NLRP5: variants seen among roughly 807,000 people sequenced by gnomAD.
NLRP5 encodes NLR family pyrin domain containing 5.
NLRP5 carries 93 observed loss-of-function variants against 113.1 expected under a neutral mutation model. The observed-to-expected ratio is 0.82, with a 90% CI of 0.70 to 0.98. The LOEUF (loss-of-function observed/expected upper bound fraction) is 0.98. Among genes scored for constraint, NLRP5 ranks in the 50% least tolerant of loss-of-function variants. NLRP5 has a pLI of 0.00. For missense variants in NLRP5, 1,808 were observed against 1,514.3 expected (o/e 1.19, Z -3.22); for synonymous variants, 751 against 600.7 (o/e 1.25, Z -3.66).
intron 11 of NLRP5, among the ~76,000 whole-genome samples, chr19:56,045,169 C>CT (rs1383069369): frequency 4.7e-4 from 71 of 152,290 alleles, no homozygotes; most frequent in African/African-American, 1.7e-3. Flanking sequence ...GACAGTTTGA[C>CT]TTTCCTGACT....
chr19:56,042,040 A>G (rs1261092100), intron 11 of NLRP5, among the ~76,000 whole-genome samples: 1 of 152,184 alleles, frequency 6.6e-6, no homozygotes, highest in Non-Finnish European at 1.5e-5. Context: ...CATTGTTGAC[A>G]GTGGAGAGCT....
At chr19:56,040,303 C>T (rs977995311) in intron 10 of NLRP5, among the ~76,000 whole-genome samples, 4 of 152,220 alleles carry the variant, frequency 2.6e-5, no homozygotes, top group African/African-American at 9.6e-5. Flanking sequence ...CGCCTGTAAT[C>T]CCAACACTTT....
At chr19:56,029,130 G>C (rs942981085) in intron 7 of NLRP5, among the ~76,000 whole-genome samples, 3 of 152,176 alleles carry the variant, frequency 2.0e-5, no homozygotes, top group Admixed American at 1.3e-4. Flanking sequence ...CTGTCCAGTA[G>C]AGGGTTCTGT....
intron 11 of NLRP5, among the ~76,000 whole-genome samples, chr19:56,043,640 A>T (rs1321713979): frequency 5.3e-5 from 7 of 133,310 alleles, no homozygotes; most frequent in African/African-American, 2.0e-4. Context: ...ATCTCCGGTC[A>T]CTGCAAGCTC....
chr19:55,992,033 C>T, the NLRP5 span, among the ~76,000 whole-genome samples: 9,192 of 152,164 alleles, frequency 0.06, 308 homozygotes, highest in Middle Eastern at 0.095. Flanking sequence ...ACCCTCCACC[C>T]TCAGGTAGAC....
chr19:56,027,289 C>A lies in NLRP5; in HGVS notation c.1056C>A (p.Ser352=). 6.2e-7 allele frequency: 1 copy of A among 1,611,928 alleles called. No individual in the cohort carries two copies. The highest frequency in any genetic ancestry group is 8.5e-7 in the Non-Finnish European group (1 of 1,179,868). The change falls in exon 7 of 15, where the codon TCC becomes TCA. Residue 352 remains serine (S), a synonymous_variant. Coordinates refer to ENST00000390649, the MANE Select transcript of NLRP5 (RefSeq NM_153447.4). ...AGGCTCCGGTGACGGAGATCATGTCCCGACCAGAAAGGCTGTTGTTCATCA... is the reference window on the plus strand; with the variant it reads ...AGGCTCCGGTGACGGAGATCATGTCACGACCAGAAAGGCTGTTGTTCATCA...
upstream of NLRP5, among the ~76,000 whole-genome samples, chr19:55,995,700 ATTC>A (rs542959534): frequency 1.4e-3 from 214 of 152,288 alleles, no homozygotes; most frequent in African/African-American, 4.4e-3. Context: ...TTTTAACAAC[ATTC>A]TTCTAATCAG....
intron 3 of NLRP5, 128 bp downstream of exon 3, chr19:56,008,981 T>C (rs1391129881): frequency 1.0e-5 from 8 of 784,604 alleles, no homozygotes; most frequent in South Asian, 3.1e-5. Context: ...TACCCTACAT[T>C]AGCTGACCGG....
intron 6 of NLRP5, among the ~76,000 whole-genome samples, chr19:56,026,243 C>T (rs1431856423): frequency 6.6e-6 from 1 of 151,978 alleles, no homozygotes; most frequent in African/African-American, 2.4e-5. Context: ...TTCAGATTGG[C>T]TTCAGCTGGG....
At chr19:56,030,714 C>CTTTTTTTTTTTTTCTTTTTTTTT (rs1983068545) in intron 7 of NLRP5, among the ~76,000 whole-genome samples, 1 of 71,350 alleles carries the variant, frequency 1.4e-5, no homozygotes, top group Non-Finnish European at 2.3e-5. Flanking sequence ...CTTTCTTCTT[C>CTTTTTTTTTTTTTCTTTTTTTTT]TTTTTTTTTT....
At chr19:56,008,415 C>A (rs935938346) in intron 2 of NLRP5, among the ~76,000 whole-genome samples, 1 of 151,912 alleles carries the variant, frequency 6.6e-6, no homozygotes, top group Non-Finnish European at 1.5e-5. Context: ...TTGAAGGTAC[C>A]TGTATTTGGG....
At chr19:56,034,001 C>A (rs2163827) in intron 9 of NLRP5, among the ~76,000 whole-genome samples, 6,030 of 152,326 alleles carry the variant, frequency 0.04, 375 homozygotes, top group African/African-American at 0.14. Flanking sequence ...AACTCCTGGG[C>A]TCAGGTGGTC....
intron 3 of NLRP5, among the ~76,000 whole-genome samples, chr19:56,014,469 G>A (rs80275869): frequency 0.045 from 5,330 of 117,788 alleles, 131 homozygotes; most frequent in Non-Finnish European, 0.065. Context: ...ACAGAGAAAC[G>A]CTCCATCTCA....
chr19:56,026,527 C>CA (rs375845864), intron 6 of NLRP5, among the ~76,000 whole-genome samples: 14,852 of 40,138 alleles, frequency 0.37, 3,591 homozygotes, highest in Non-Finnish European at 0.43. Context: ...GACTCCATCT[C>CA]AAAAAAAAAA....
the NLRP5 span, among the ~76,000 whole-genome samples, chr19:55,990,919 G>C: frequency 6.6e-6 from 1 of 152,160 alleles, no homozygotes; most frequent in East Asian, 1.9e-4. Flanking sequence ...AGGAGACGGA[G>C]ATTGCAGTGA....
chr19:56,035,675 C>T (rs180955973), intron 9 of NLRP5, among the ~76,000 whole-genome samples: 42 of 152,330 alleles, frequency 2.8e-4, no homozygotes, highest in African/African-American at 9.4e-4. Context: ...TCATAACTCA[C>T]AGGGGCAGGA....
intron 4 of NLRP5, among the ~76,000 whole-genome samples, chr19:56,016,969 C>T (rs978024614): frequency 1.3e-5 from 2 of 152,130 alleles, no homozygotes; most frequent in Admixed American, 1.3e-4. Context: ...CCACCATGCC[C>T]AGCTAATTTT....
Position 56,020,428 on chromosome 19 carries a change from C to A in NLRP5, c.676C>A (p.Gln226Lys). The change falls in exon 6 of 15, where the codon CAA becomes AAA. Residue 226 changes from glutamine to lysine, a missense_variant. Transcript: ENST00000390649. ...TGCCACAGCAGCAGAGACAGAAGAA[C>A]AAGGTGAGGAAAATAGATGTATTCC... is the stretch of plus-strand genomic sequence containing the variant. The A allele has an allele frequency of 6.2e-7, 1 of 1,613,292 alleles. No homozygotes were observed. Among genetic ancestry groups the A allele is most frequent in the Admixed American group, 1.7e-5 (1 of 59,898 alleles).
At chr19:56,050,271 C>T (rs1983880629) in intron 11 of NLRP5, 147 bp from the exon 12 acceptor site, 3 of 623,092 alleles carry the variant, frequency 4.8e-6, no homozygotes, top group East Asian at 6.0e-5. Context: ...CAGAGCAAGA[C>T]TCCTCAAAAA....
Sources: gnomAD v4.1 joint callset for allele counts (sites outside exome capture counted in the v4.1 genomes callset) on GRCh38, gnomAD v4.1.1 for gene constraint, MANE v1.5 for transcripts, NCBI Gene and HGNC (gene_info 2026-07-23, HGNC 2026-07-21) for gene names.